ADAMTSL1: variants seen among roughly 807,000 people sequenced by gnomAD.
ADAMTSL1 encodes the protein ADAMTS-like protein 1.
ADAMTSL1 carries 126 observed loss-of-function variants against 201.8 expected under a neutral mutation model. The observed-to-expected ratio is 0.62, with a 90% CI of 0.54 to 0.72. The LOEUF (loss-of-function observed/expected upper bound fraction) is 0.72, where lower values mean the gene tolerates loss of function less well. Among genes scored for constraint, ADAMTSL1 ranks in the 30% least tolerant of loss-of-function variants. The pLI is 0.00. For synonymous variants in ADAMTSL1, 1,121 were observed against 903.4 expected (o/e 1.24, Z -4.32); for missense variants, 2,679 against 2,277.8 (o/e 1.18, Z -3.59).
At chr9:18,313,310 C>G (rs1834227723) in intron 2 of ADAMTSL1, among the ~76,000 whole-genome samples, 1 of 152,146 alleles carries the variant, frequency 6.6e-6, no homozygotes, top group African/African-American at 2.4e-5. Flanking sequence ...TCCTTAGGTA[C>G]CGATATTTTT....
chr9:18,127,554 A>ATTTTTTTTTTTTTTTTTTT, intron 1 of ADAMTSL1, among the ~76,000 whole-genome samples: 1 of 151,946 alleles, frequency 6.6e-6, no homozygotes, highest in Non-Finnish European at 1.5e-5. Flanking sequence ...GAATACTAAC[A>ATTTTTTTTTTTTTTTTTTT]TTTTTACCAG....
chr9:18,585,139 G>A (rs1477475335), intron 4 of ADAMTSL1, among the ~76,000 whole-genome samples: 1 of 152,060 alleles, frequency 6.6e-6, no homozygotes, highest in Admixed American at 6.6e-5. Flanking sequence ...CCGTAGCTGG[G>A]TCTTTTGTGT....
chr9:18,836,358 A>AT (rs1467139201), intron 23 of ADAMTSL1, among the ~76,000 whole-genome samples: 2 of 151,834 alleles, frequency 1.3e-5, no homozygotes, highest in Admixed American at 1.3e-4. Context: ...GTTTTTGAAT[A>AT]TTTTCTCCCA....
chr9:18,721,745 A>G, intron 15 of ADAMTSL1, 80 bp downstream of exon 15: 1 of 1,521,012 alleles, frequency 6.6e-7, no homozygotes, highest in Non-Finnish European at 8.8e-7. Flanking sequence ...AGACTGTAAC[A>G]CTTATTTGTT....
intron 2 of ADAMTSL1, among the ~76,000 whole-genome samples, chr9:18,317,899 C>T (rs1391785502): frequency 6.6e-6 from 1 of 152,178 alleles, no homozygotes; most frequent in Non-Finnish European, 1.5e-5. Context: ...CCGGATTTAG[C>T]CAGCTCTTTA....
At chr9:18,190,716 T>G (rs563646843) in intron 2 of ADAMTSL1, among the ~76,000 whole-genome samples, 4 of 152,328 alleles carry the variant, frequency 2.6e-5, no homozygotes, top group Non-Finnish European at 4.4e-5. Context: ...GCATATTAAT[T>G]TTTAAGTATT....
At chr9:18,695,268 C>T (rs1459312183) in intron 13 of ADAMTSL1, among the ~76,000 whole-genome samples, 2 of 152,174 alleles carry the variant, frequency 1.3e-5, no homozygotes, top group Non-Finnish European at 2.9e-5. Context: ...CTGTGAAGGT[C>T]TCTGAAATGC....
intron 26 of ADAMTSL1, among the ~76,000 whole-genome samples, chr9:18,893,784 A>G (rs1829444108): frequency 6.6e-6 from 1 of 152,236 alleles, no homozygotes; most frequent in African/African-American, 2.4e-5. Flanking sequence ...ACACAAAAAA[A>G]TCCTTTTGGA....
Position 18,681,925 on chromosome 9 carries a change from A to G in ADAMTSL1, c.1455A>G (p.Glu485=), listed in dbSNP as rs776449450. 5.6e-6 allele frequency: 9 copies of G among 1,614,170 alleles called. No homozygotes were observed. The Admixed American group carries it at 6.7e-5, about 12-fold the overall frequency. The stretch of plus-strand genomic sequence containing the variant: ...AAACAAAGCCCCACATAAAAGAGGA[A>G]TGCATCGTACCCACTCCCTGCTATA... ...SPKTKPHIKE[E]CIVPTPCYKP... is the part of the protein sequence containing the mutation. The change falls in exon 12 of 29, where the codon GAA becomes GAG. Residue 485 remains glutamate, a synonymous_variant. Coordinates refer to ENST00000380548, the MANE Select transcript of ADAMTSL1 (RefSeq NM_001040272.6).
At chr9:18,314,330 T>G (rs1170224144) in intron 2 of ADAMTSL1, among the ~76,000 whole-genome samples, 1 of 152,192 alleles carries the variant, frequency 6.6e-6, no homozygotes, top group African/African-American at 2.4e-5. Flanking sequence ...TGGTGGGTTC[T>G]TGGTCTCGCT....
At chr9:18,809,588 G>A (rs1588146172) in intron 20 of ADAMTSL1, among the ~76,000 whole-genome samples, 1 of 152,108 alleles carries the variant, frequency 6.6e-6, no homozygotes, top group African/African-American at 2.4e-5. Context: ...TCAGGAGTTC[G>A]AGACCAGCCT....
intron 4 of ADAMTSL1, among the ~76,000 whole-genome samples, chr9:18,591,122 G>T (rs1823885244): frequency 6.6e-6 from 1 of 151,908 alleles, no homozygotes; most frequent in Non-Finnish European, 1.5e-5. Context: ...GCTAAAAGTG[G>T]GGTGCCCTAC....
intron 2 of ADAMTSL1, among the ~76,000 whole-genome samples, chr9:18,333,150 AT>A (rs577540035): frequency 6.6e-6 from 1 of 151,996 alleles, no homozygotes; most frequent in African/African-American, 2.4e-5. Flanking sequence ...TATTATTTTT[AT>A]TTTTTTATGT....
chr9:18,870,499 C>T (rs541987882), intron 23 of ADAMTSL1, among the ~76,000 whole-genome samples: 1 of 152,260 alleles, frequency 6.6e-6, no homozygotes, highest in Non-Finnish European at 1.5e-5. Flanking sequence ...GGTCTGCCTG[C>T]TAAAAATCTA....
chr9:18,879,105 A>G (rs1828362555), intron 23 of ADAMTSL1, among the ~76,000 whole-genome samples: 1 of 152,182 alleles, frequency 6.6e-6, no homozygotes, highest in South Asian at 2.1e-4. Flanking sequence ...TGTCAACCCA[A>G]GCAATATAGA....
chr9:18,906,864 C>T lies in ADAMTSL1; in HGVS notation c.5134C>T (p.Pro1712Ser). ...GCCTGAGCACCTGTGCTCCTGGGGG[C>T]CCCGGCCTGCCAACTGGCAGCGCTG... is the stretch of plus-strand genomic sequence containing the variant. ...AVPEHLCSWG[P>S]RPANWQRCNI... The change falls in exon 28 of 29, where the codon CCC becomes TCC. Residue 1712 changes from proline to serine, a missense_variant. By Grantham distance (74) the Pro-to-Ser change is moderately conservative. Coordinates refer to ENST00000380548, the MANE Select transcript of ADAMTSL1 (RefSeq NM_001040272.6). 5 of 1,613,954 alleles carry T rather than the reference C, an allele frequency of 3.1e-6. No individual in the cohort carries two copies. The highest frequency in any genetic ancestry group is 1.7e-5 in the Admixed American group (1 of 60,018).
intron 8 of ADAMTSL1, among the ~76,000 whole-genome samples, chr9:18,661,100 T>C (rs1829061260): frequency 6.6e-6 from 1 of 152,092 alleles, no homozygotes; most frequent in African/African-American, 2.4e-5. Context: ...ATCTAAGTCT[T>C]GATCACCACC....
chr9:18,500,895 A>G (rs976495086), intron 1 of ADAMTSL1, among the ~76,000 whole-genome samples: 9 of 152,208 alleles, frequency 5.9e-5, no homozygotes, highest in African/African-American at 2.2e-4. Flanking sequence ...ATCATCTCAC[A>G]TGACATTGCT....
chr9:17,950,252 CAG>C (rs1827681031), intron 1 of ADAMTSL1, among the ~76,000 whole-genome samples: 1 of 151,952 alleles, frequency 6.6e-6, no homozygotes. Context: ...TATTTAAAAA[CAG>C]AAAGGAAAAA....
Sources: allele counts gnomAD v4.1 joint callset (sites outside exome capture counted in the v4.1 genomes callset), GRCh38; gene constraint gnomAD v4.1.1; transcripts MANE v1.5; gene names NCBI Gene and HGNC (gene_info 2026-07-23, HGNC 2026-07-21).